MALRD1: variants seen among roughly 807,000 people sequenced by gnomAD.
MALRD1 encodes MAM and LDL receptor class A domain containing 1.
Under a neutral mutation model 242.1 loss-of-function variants are expected in MALRD1, and 247 were observed. That is an observed-to-expected ratio of 1.02 (90% CI 0.92 to 1.13). MALRD1 has a LOEUF of 1.13. Among genes scored for constraint, MALRD1 ranks in the 50% most tolerant of loss-of-function variants. The pLI is 0.00. For missense variants in MALRD1, 2,989 were observed against 2,533.1 expected, an observed-to-expected ratio of 1.18 and a Z score of -3.86; for synonymous variants, 995 against 866.6, an observed-to-expected ratio of 1.15 and a Z score of -2.60.
At chr10:19,719,206 A>ATACACC in intron 38 of MALRD1, among the ~76,000 whole-genome samples, 1 of 65,724 alleles carries the variant, frequency 1.5e-5, no homozygotes, top group Non-Finnish European at 2.5e-5. Flanking sequence ...ATATATATAT[A>ATACACC]TATATACACA....
intron 26 of MALRD1, among the ~76,000 whole-genome samples, chr10:19,377,749 T>C (rs1481982150): frequency 1.3e-5 from 2 of 152,072 alleles, no homozygotes; most frequent in Non-Finnish European, 2.9e-5. Context: ...AACGAGGTGA[T>C]TTCAGGAATT....
intron 8 of MALRD1, among the ~76,000 whole-genome samples, chr10:19,130,549 G>A (rs563214082): frequency 3.3e-5 from 5 of 152,168 alleles, no homozygotes; most frequent in Admixed American, 3.3e-4. Context: ...AATTTAAGTG[G>A]AAATTTGTAT....
chr10:19,167,897 A>T (rs181990626), intron 13 of MALRD1, among the ~76,000 whole-genome samples: 1 of 152,350 alleles, frequency 6.6e-6, no homozygotes, highest in Admixed American at 6.5e-5. Flanking sequence ...CATCAACTGT[A>T]ATCAATTACT....
At chr10:19,690,592 T>C (rs983396236) in intron 36 of MALRD1, among the ~76,000 whole-genome samples, 2 of 152,010 alleles carry the variant, frequency 1.3e-5, no homozygotes, top group Non-Finnish European at 2.9e-5. Flanking sequence ...TTTCTATCTT[T>C]ATTTTTTGTT....
intron 33 of MALRD1, among the ~76,000 whole-genome samples, chr10:19,581,175 A>G (rs1314847920): frequency 6.6e-6 from 1 of 151,406 alleles, no homozygotes; most frequent in African/African-American, 2.4e-5. Flanking sequence ...ACTAAATTAT[A>G]AGTTTCCTCC....
intron 18 of MALRD1, among the ~76,000 whole-genome samples, chr10:19,239,552 C>T (rs556768325): frequency 6.6e-6 from 1 of 152,090 alleles, no homozygotes; most frequent in Non-Finnish European, 1.5e-5. Context: ...TTTGACGTCT[C>T]ATTTAAAAAA....
chr10:19,707,505 A>C (rs1564557786), intron 38 of MALRD1, among the ~76,000 whole-genome samples: 2 of 152,212 alleles, frequency 1.3e-5, no homozygotes, highest in Non-Finnish European at 2.9e-5. Flanking sequence ...ATAGATTTTA[A>C]AAGATTGAGA....
At chr10:19,455,973 C>T (rs1039735095) in intron 29 of MALRD1, among the ~76,000 whole-genome samples, 22 of 152,124 alleles carry the variant, frequency 1.4e-4, no homozygotes, top group African/African-American at 4.3e-4. Flanking sequence ...CCTCTGTGAA[C>T]TGCTCAGAGA....
chr10:19,296,279 T>C (rs1841697039), intron 21 of MALRD1, among the ~76,000 whole-genome samples: 1 of 152,172 alleles, frequency 6.6e-6, no homozygotes, highest in Non-Finnish European at 1.5e-5. Context: ...TCCTCAAATG[T>C]AATTATTTCC....
chr10:19,572,743 G>A (rs1836623185), intron 33 of MALRD1, among the ~76,000 whole-genome samples: 1 of 152,154 alleles, frequency 6.6e-6, no homozygotes, highest in South Asian at 2.1e-4. Flanking sequence ...CTTAGAAGAA[G>A]AAGAGGAGAA....
chr10:19,365,930 G>T (rs908320129), intron 26 of MALRD1, among the ~76,000 whole-genome samples: 7 of 151,886 alleles, frequency 4.6e-5, no homozygotes, highest in African/African-American at 1.5e-4. Flanking sequence ...CCAGTATTTT[G>T]ATGTCTATTA....
chr10:19,474,267 C>T (rs1836628024), intron 29 of MALRD1, among the ~76,000 whole-genome samples: 1 of 152,060 alleles, frequency 6.6e-6, no homozygotes, highest in African/African-American at 2.4e-5. Context: ...GATCACTCTT[C>T]TGCTTTGTCA....
chr10:19,585,773 G>T lies in MALRD1; in HGVS notation c.5681-9421G>T, dbSNP rs913427640. 2.1e-3 allele frequency among the ~76,000 whole-genome samples: 323 copies of T among 152,266 alleles called. 2 individuals are homozygous for T. The highest frequency in any genetic ancestry group is 7.4e-3 in the African/African-American group (306 of 41,548). On this transcript the variant is annotated intron_variant, in intron 33 of 39. Transcript: ENST00000454679. Reference sequence around the variant, plus strand: ...ATTTCCTGAATCTGAATGTTCGCCTGCCTTGCTAGATTGGGGAAGTTCTCC... The same window carrying T: ...ATTTCCTGAATCTGAATGTTCGCCTTCCTTGCTAGATTGGGGAAGTTCTCC...
intron 18 of MALRD1, among the ~76,000 whole-genome samples, chr10:19,232,951 T>C (rs1838148606): frequency 6.6e-6 from 1 of 152,224 alleles, no homozygotes; most frequent in Non-Finnish European, 1.5e-5. Flanking sequence ...CTTTAAGATG[T>C]TTCTAATTCT....
At chr10:19,345,796 G>A (rs1328380414) in intron 24 of MALRD1, among the ~76,000 whole-genome samples, 12 of 151,218 alleles carry the variant, frequency 7.9e-5, no homozygotes, top group Admixed American at 7.9e-4. Flanking sequence ...AGCTAAAAAT[G>A]ATTATTTTAA....
intron 32 of MALRD1, among the ~76,000 whole-genome samples, chr10:19,549,312 C>T (rs916105281): frequency 3.3e-5 from 5 of 152,214 alleles, no homozygotes; most frequent in Admixed American, 2.6e-4. Context: ...GGATTGACTT[C>T]AGTTTTGAAA....
chr10:19,320,319 C>T (rs1194354634), intron 21 of MALRD1, among the ~76,000 whole-genome samples: 10 of 151,794 alleles, frequency 6.6e-5, no homozygotes, highest in Non-Finnish European at 1.3e-4. Context: ...GAACATGCAG[C>T]GTTTGGTTTT....
In MALRD1 at chr10:19,276,227, T is replaced by C. The variant is rs139851939; in HGVS notation, c.3080-3820T>C. Among the ~76,000 whole-genome samples the C allele has an allele frequency of 3.9e-3, 601 of 152,298 alleles. 3 individuals are homozygous for C. In the Middle Eastern group the frequency reaches 0.048, roughly 12 times the overall value. On this transcript the variant is annotated intron_variant, in intron 19 of 39. Coordinates refer to ENST00000454679, the MANE Select transcript of MALRD1 (RefSeq NM_001142308.3). ...TGAAACTTTGACAAAATACGTCACT[T>C]TCCAGATGCCATTTTTGATATAGGA...
chr10:19,351,826 A>G (rs951070998), intron 25 of MALRD1, among the ~76,000 whole-genome samples, 180 bp from the exon 26 acceptor site: 5 of 152,240 alleles, frequency 3.3e-5, no homozygotes, highest in African/African-American at 1.2e-4. Flanking sequence ...GCAACATATG[A>G]CTCAAGGCTG....
Sources: gnomAD v4.1 joint callset for allele counts (sites outside exome capture counted in the v4.1 genomes callset) on GRCh38, gnomAD v4.1.1 for gene constraint, MANE v1.5 for transcripts, NCBI Gene and HGNC (gene_info 2026-07-23, HGNC 2026-07-21) for gene names.